NTM: variants seen among roughly 807,000 people sequenced by gnomAD.
NTM encodes the protein neurotrimin.
A neutral mutation model predicts 42.1 loss-of-function variants in NTM; 13 were observed. The observed-to-expected ratio is 0.31, with a 90% CI of 0.20 to 0.49. NTM has a LOEUF of 0.49. Among genes scored for constraint, NTM ranks in the 20% least tolerant of loss-of-function variants. NTM has a pLI of 0.99. For synonymous variants in NTM, 187 were observed against 179.2 expected (o/e 1.04, Z -0.35); for missense variants, 373 against 452.8 (o/e 0.82, Z 1.60).
chr11:131,403,751 C>T (rs751844724), intron 1 of NTM, among the ~76,000 whole-genome samples: 7 of 152,166 alleles, frequency 4.6e-5, no homozygotes, highest in Non-Finnish European at 1.0e-4. Flanking sequence ...GTGAATGACT[C>T]ATATTTCATT....
rs774500409 is a variant in NTM at position 132,199,431 on chromosome 11, C to A, written c.401-12591C>A. Among the ~76,000 whole-genome samples the A allele has an allele frequency of 4.1e-4, 62 of 152,256 alleles. No homozygotes were observed. In the South Asian group the frequency reaches 4.1e-3, roughly 10 times the overall value. On this transcript the variant is annotated intron_variant, in intron 3 of 8. Coordinates refer to ENST00000683400, the MANE Select transcript of NTM (RefSeq NM_001352005.2). Reference sequence around the variant, plus strand: ...TTGGGTGGTCAGGCTCTTTGATGTGCAGAGATAAATGAACGCTGTTCAGTG... The same window carrying A: ...TTGGGTGGTCAGGCTCTTTGATGTGAAGAGATAAATGAACGCTGTTCAGTG...
intron 1 of NTM, chr11:131,911,357 C>CA (rs2054918214): frequency 6.5e-7 from 1 of 1,530,012 alleles, no homozygotes; most frequent in African/African-American, 1.4e-5. Flanking sequence ...CCCCGCGCCT[C>CA]CCGGTCGCCG....
At chr11:131,414,100 C>T (rs1018212678) in intron 1 of NTM, among the ~76,000 whole-genome samples, 2 of 152,160 alleles carry the variant, frequency 1.3e-5, no homozygotes, top group Non-Finnish European at 2.9e-5. Flanking sequence ...ACCAGTGTCG[C>T]TCCTGAACTC....
chr11:132,270,673 G>A (rs1391598834), intron 4 of NTM, among the ~76,000 whole-genome samples: 1 of 146,744 alleles, frequency 6.8e-6, no homozygotes, highest in Non-Finnish European at 1.5e-5. Flanking sequence ...TTACTTTTTT[G>A]GGGGGTAATA....
chr11:132,157,109 G>A (rs761685264), intron 3 of NTM, among the ~76,000 whole-genome samples: 2 of 152,166 alleles, frequency 1.3e-5, no homozygotes, highest in Non-Finnish European at 2.9e-5. Flanking sequence ...ATTTTTGGAC[G>A]TCTCACCTCC....
chr11:131,875,814 G>C (rs1474374027), intron 1 of NTM, among the ~76,000 whole-genome samples: 1 of 152,156 alleles, frequency 6.6e-6, no homozygotes, highest in Non-Finnish European at 1.5e-5. Flanking sequence ...TCCCACTCAT[G>C]TCTTTGTCCT....
chr11:131,460,101 C>A (rs749517427), intron 1 of NTM, among the ~76,000 whole-genome samples: 1 of 152,086 alleles, frequency 6.6e-6, no homozygotes, highest in African/African-American at 2.4e-5. Context: ...TATTAACAGA[C>A]CAACAGTGTC....
intron 1 of NTM, among the ~76,000 whole-genome samples, chr11:131,683,935 A>T (rs997046084): frequency 6.6e-6 from 1 of 152,136 alleles, no homozygotes; most frequent in Admixed American, 6.5e-5. Context: ...TGCACTTAGA[A>T]AGGGCGTTCT....
At chr11:131,893,673 T>C (rs1213818919) in intron 1 of NTM, among the ~76,000 whole-genome samples, 1 of 152,094 alleles carries the variant, frequency 6.6e-6, no homozygotes, top group African/African-American at 2.4e-5. Context: ...ATGTTTTTGG[T>C]TGCAAGTAAT....
intron 2 of NTM, among the ~76,000 whole-genome samples, chr11:132,107,339 C>CTTTTTTTTTTTTTT (rs780844735): frequency 4.5e-5 from 4 of 88,858 alleles, no homozygotes; most frequent in African/African-American, 2.0e-4. Context: ...AAGATTTATC[C>CTTTTTTTTTTTTTT]TTTTTTTTTT....
chr11:131,732,447 C>T (rs1362056516), intron 1 of NTM, among the ~76,000 whole-genome samples: 1 of 152,156 alleles, frequency 6.6e-6, no homozygotes, highest in Non-Finnish European at 1.5e-5. Flanking sequence ...TCTTTCTCAG[C>T]CTCATTGGAG....
At chr11:132,090,832 A>G (rs2060288376) in intron 2 of NTM, among the ~76,000 whole-genome samples, 1 of 152,176 alleles carries the variant, frequency 6.6e-6, no homozygotes. Flanking sequence ...TTCACATCTT[A>G]AGAGTTTACA....
At chr11:132,296,641 T>C (rs1413153096) in intron 4 of NTM, among the ~76,000 whole-genome samples, 3 of 152,210 alleles carry the variant, frequency 2.0e-5, no homozygotes, top group Non-Finnish European at 4.4e-5. Context: ...TTTAATACAT[T>C]GCATTCTACC....
chr11:131,475,591 C>G (rs1205868848), intron 1 of NTM, among the ~76,000 whole-genome samples: 1 of 151,828 alleles, frequency 6.6e-6, no homozygotes, highest in Non-Finnish European at 1.5e-5. Flanking sequence ...GTGGGATGAT[C>G]TAGTAAGTTA....
chr11:132,007,767 A>G (rs997223243), intron 2 of NTM, among the ~76,000 whole-genome samples: 3 of 152,194 alleles, frequency 2.0e-5, no homozygotes, highest in Admixed American at 6.5e-5. Context: ...CATCAAACAT[A>G]GAGTCCAACA....
chr11:131,853,009 C>T (rs185159493), intron 1 of NTM, among the ~76,000 whole-genome samples: 133 of 151,908 alleles, frequency 8.8e-4, no homozygotes, highest in African/African-American at 2.9e-3. Context: ...TACCACCCAT[C>T]CATTTATTCT....
At chr11:131,865,466 C>A (rs145477072) in intron 1 of NTM, among the ~76,000 whole-genome samples, 1,652 of 152,294 alleles carry the variant, frequency 0.011, 26 homozygotes, top group African/African-American at 0.037. Flanking sequence ...TTGTGCTCAC[C>A]CAGCCTAACA....
rs932078138 is a variant in NTM, at chr11:131,685,329, G to C, written c.83-226235G>C. Among the ~76,000 whole-genome samples the C allele has an allele frequency of 2.6e-5, 4 of 151,894 alleles. No homozygotes were observed. In the East Asian group the frequency reaches 7.8e-4, roughly 29 times the overall value. On this transcript the variant is annotated intron_variant, in intron 1 of 8. Coordinates refer to ENST00000683400, the MANE Select transcript of NTM (RefSeq NM_001352005.2). ...AGCAGCTGGGGGCTCATGGAGAGTC[G>C]GGCATCCATGGGAAGCAGCTGGGGG...
chr11:132,314,390 AACTACT>A (rs1427859023), intron 6 of NTM, 156 bp from the exon 7 acceptor site: 1 of 323,812 alleles, frequency 3.1e-6, no homozygotes, highest in African/African-American at 2.2e-5. Context: ...ACTGTCTGTG[AACTACT>A]ACTACATTAT....
Sources: allele counts gnomAD v4.1 joint callset (sites outside exome capture counted in the v4.1 genomes callset), GRCh38; gene constraint gnomAD v4.1.1; transcripts MANE v1.5; gene names NCBI Gene and HGNC (gene_info 2026-07-23, HGNC 2026-07-21).